Variants in GLRX5 observed in about 807,000 individuals in gnomAD.
The protein encoded by GLRX5 is glutaredoxin-related protein 5, mitochondrial.
Under a neutral mutation model 13.8 loss-of-function variants are expected in GLRX5, and 10 were observed. That is an observed-to-expected ratio of 0.72 (90% CI 0.45 to 1.23). GLRX5 has a LOEUF of 1.23. Among genes scored for constraint, GLRX5 ranks in the 50% most tolerant of loss-of-function variants. The pLI is 0.00. For synonymous variants in GLRX5, 98 were observed against 101.1 expected, an observed-to-expected ratio of 0.97 and a Z score of 0.18; for missense variants, 233 against 215.2, an observed-to-expected ratio of 1.08 and a Z score of -0.52.
intron 1 of GLRX5, among the ~76,000 whole-genome samples, chr14:95,536,343 A>T (rs1891378684): frequency 6.6e-6 from 1 of 152,204 alleles, no homozygotes; most frequent in African/African-American, 2.4e-5. Flanking sequence ...GGAAGGCTGT[A>T]CCTTTTCCTT....
intron 1 of GLRX5, among the ~76,000 whole-genome samples, chr14:95,539,207 C>T (rs1349019774): frequency 6.6e-6 from 1 of 152,192 alleles, no homozygotes. Context: ...TTCCCTGGTC[C>T]GTGGAAAAAT....
rs187578376 is a variant in GLRX5, at chr14:95,542,931, T to C, written c.296-1016T>C. 1.7e-4 allele frequency: 74 copies of C among 424,656 alleles called. 1 individual carries two copies. In the East Asian group the frequency reaches 5.2e-3, roughly 30 times the overall value. The allele number at this position is 424,656 out of a possible 1,614,324, so 26.3% of individuals were successfully genotyped here. On this transcript the variant is annotated intron_variant, in intron 1 of 1. Coordinates refer to ENST00000331334, the MANE Select transcript of GLRX5 (RefSeq NM_016417.3). The stretch of plus-strand genomic sequence containing the variant: ...AATGTTAAGAGTAATCTTTTATGTC[T>C]TAAGATTGAAGCCACATTTCTTTCT...
intron 1 of GLRX5, among the ~76,000 whole-genome samples, chr14:95,535,890 G>A (rs79210807): frequency 0.12 from 18,991 of 152,188 alleles, 1,404 homozygotes; most frequent in Middle Eastern, 0.19. Context: ...GGCTAGTGAG[G>A]TCGGAGGCTG....
intron 1 of GLRX5, among the ~76,000 whole-genome samples, chr14:95,536,344 C>T (rs1057223643): frequency 3.9e-5 from 6 of 152,216 alleles, no homozygotes; most frequent in Admixed American, 1.3e-4. Context: ...GAAGGCTGTA[C>T]CTTTTCCTTC....
At position 95,544,205 on chromosome 14, in the gene GLRX5, G is replaced by T. The variant is rs1469286556; in HGVS notation, c.*80G>T. ...TGCCAGAAAAGCCTTACCCATTTTG[G>T]TTTTCACTATTGAGACCGCAACTGC... On this transcript the variant is annotated 3_prime_UTR_variant, in exon 2 of 2. Transcript: ENST00000331334. 3.1e-6 allele frequency: 4 copies of T among 1,294,874 alleles called. No individual in the cohort carries two copies. In the East Asian group the frequency reaches 7.4e-5, roughly 24 times the overall value. 80.2% of individuals were successfully genotyped at this position (1,294,874 alleles called of 1,614,324 possible).
rs1008334686 is a variant in GLRX5 at position 95,535,197 on chromosome 14, G to A, written c.108G>A (p.Ala36=). 3 of 1,503,684 alleles carry A rather than the reference G, an allele frequency of 2.0e-6. No individual in the cohort carries two copies. The highest frequency in any genetic ancestry group is 2.9e-5 in the African/African-American group (2 of 69,050). The allele number at this position is 1,503,684 out of a possible 1,614,324, so 93.1% of individuals were successfully genotyped here. ...GPGVRAAGSG[A]GGGGSAEQLD... ...GCGTGCGGGCGGCGGGCTCGGGCGC[G>A]GGCGGCGGCGGCTCGGCGGAGCAGT... Residue 36 remains alanine, a synonymous_variant, in exon 1 of 2, where the codon GCG becomes GCA. Coordinates refer to ENST00000331334, the MANE Select transcript of GLRX5 (RefSeq NM_016417.3).
At chr14:95,537,574 A>G (rs1011527869) in intron 1 of GLRX5, among the ~76,000 whole-genome samples, 1 of 152,244 alleles carries the variant, frequency 6.6e-6, no homozygotes, top group Non-Finnish European at 1.5e-5. Context: ...TTCCCTATAC[A>G]GCTTTATTTA....
In GLRX5 at chr14:95,544,222, C is replaced by A. The variant is rs568595229; in HGVS notation, c.*97C>A. 1.1e-6 allele frequency: 1 copy of A among 940,944 alleles called. No homozygotes were observed. The highest frequency in any genetic ancestry group is 1.7e-6 in the Non-Finnish European group (1 of 591,038). 58.3% of individuals were successfully genotyped at this position (940,944 alleles called of 1,614,324 possible). On this transcript the variant is annotated 3_prime_UTR_variant, in exon 2 of 2. Transcript: ENST00000331334. ...CCATTTTGGTTTTCACTATTGAGAC[C>A]GCAACTGCTTGCACTGATCATTTTG...
At chr14:95,535,777 A>G (rs1417043940) in intron 1 of GLRX5, among the ~76,000 whole-genome samples, 1 of 152,146 alleles carries the variant, frequency 6.6e-6, no homozygotes, top group African/African-American at 2.4e-5. Context: ...ACTGTGAGAT[A>G]GGTACTTTCG....
At chr14:95,537,777 G>C (rs556423219) in intron 1 of GLRX5, among the ~76,000 whole-genome samples, 1 of 152,214 alleles carries the variant, frequency 6.6e-6, no homozygotes, top group Non-Finnish European at 1.5e-5. Flanking sequence ...TCCTAGTTTT[G>C]AGTACTGGGT....
chr14:95,535,305 C>A lies in GLRX5; in HGVS notation c.216C>A (p.Ala72=), dbSNP rs766152520. 2.6e-6 allele frequency: 4 copies of A among 1,560,764 alleles called. No homozygotes were observed. In the South Asian group the frequency reaches 3.5e-5, roughly 14 times the overall value. Residue 72 remains alanine (A), a synonymous_variant, in exon 1 of 2, where the codon GCC becomes GCA. Coordinates refer to ENST00000331334, the MANE Select transcript of GLRX5 (RefSeq NM_016417.3). ...AGCCCCAGTGCGGCTTCAGCAACGC[C>A]GTGGTGCAGATCCTGCGGCTGCACG... is the stretch of plus-strand genomic sequence containing the variant. The part of the protein sequence containing the change: ...PEQPQCGFSN[A]VVQILRLHGV...
intron 1 of GLRX5, among the ~76,000 whole-genome samples, chr14:95,540,383 A>G (rs1891454369): frequency 6.6e-6 from 1 of 152,136 alleles, no homozygotes; most frequent in African/African-American, 2.4e-5. Context: ...TTCCTTAGAT[A>G]TCATGGAATC....
At chr14:95,542,061 A>C (rs1891482737) in intron 1 of GLRX5, among the ~76,000 whole-genome samples, 1 of 152,262 alleles carries the variant, frequency 6.6e-6, no homozygotes, top group Non-Finnish European at 1.5e-5. Context: ...TCTCGCACCC[A>C]GCTCTCAGTC....
At chr14:95,543,423 GA>G in intron 1 of GLRX5, 1 of 329,278 alleles carries the variant, frequency 3.0e-6, no homozygotes, top group Non-Finnish European at 6.0e-6. Flanking sequence ...TCACAGTCAT[GA>G]AAAGTGCACA....
At position 95,540,891 on chromosome 14, in the gene GLRX5, T is replaced by C. The variant is rs1198665543; in HGVS notation, c.296-3056T>C. Among the ~76,000 whole-genome samples, 4 of 152,252 alleles carry C rather than the reference T, an allele frequency of 2.6e-5. No individual in the cohort carries two copies. In the East Asian group the frequency reaches 7.7e-4, roughly 29 times the overall value. ...CTTTTGAAAGTTCTGGAAGGGAATT[T>C]TAAAGTATCATTTCTGTACTCTTTC... On this transcript the variant is annotated intron_variant, in intron 1 of 1. Coordinates refer to ENST00000331334, the MANE Select transcript of GLRX5 (RefSeq NM_016417.3).
chr14:95,543,327 T>G, intron 1 of GLRX5: 1 of 294,824 alleles, frequency 3.4e-6, no homozygotes, highest in Non-Finnish European at 6.5e-6. Context: ...TGGGTAAAAG[T>G]AATTGTTAAA....
intron 1 of GLRX5, chr14:95,543,144 C>T (rs537805987): frequency 2.9e-5 from 13 of 455,884 alleles, no homozygotes; most frequent in Middle Eastern, 6.5e-4. Context: ...GGGTCTCACT[C>T]CCCCACCCCT....
At chr14:95,543,158 C>A (rs917267891) in intron 1 of GLRX5, 2 of 455,836 alleles carry the variant, frequency 4.4e-6, no homozygotes, top group Non-Finnish European at 8.8e-6. Context: ...CACCCCTCAG[C>A]CCTGGACAGG....
At chr14:95,537,714 T>C (rs963074520) in intron 1 of GLRX5, among the ~76,000 whole-genome samples, 1 of 152,236 alleles carries the variant, frequency 6.6e-6, no homozygotes, top group African/African-American at 2.4e-5. Flanking sequence ...TTGGTTCTTA[T>C]GCCAAGGAGA....
Sources: allele counts gnomAD v4.1 joint callset (sites outside exome capture counted in the v4.1 genomes callset), GRCh38; gene constraint gnomAD v4.1.1; transcripts MANE v1.5; gene names NCBI Gene and HGNC (gene_info 2026-07-23, HGNC 2026-07-21).